ADORA2A: variants seen among roughly 807,000 people sequenced by gnomAD.
The protein encoded by ADORA2A is adenosine receptor A2a.
ADORA2A carries 11 observed loss-of-function variants against 18.4 expected under a neutral mutation model. The ratio of observed to expected loss-of-function variants is 0.60; its 90% CI spans 0.38 to 0.99. The LOEUF is 0.99. Ranked by LOEUF, ADORA2A falls within the 50% of genes least tolerant of loss-of-function variation. The pLI is 0.01. For synonymous variants in ADORA2A, 218 were observed against 237.3 expected, an observed-to-expected ratio of 0.92 and a Z score of 0.75; for missense variants, 449 against 556.1, an observed-to-expected ratio of 0.81 and a Z score of 1.94.
At chr22:24,426,089 A>C (rs910214543), upstream of ADORA2A, among the ~76,000 whole-genome samples, 1 of 152,124 alleles carries the variant, frequency 6.6e-6, no homozygotes, top group Admixed American at 6.5e-5. Flanking sequence ...GTGACTTGAG[A>C]GCATCACGTC....
chr22:24,439,052 G>A (rs2043255976), intron 2 of ADORA2A, among the ~76,000 whole-genome samples: 1 of 134,054 alleles, frequency 7.5e-6, no homozygotes, highest in Non-Finnish European at 1.6e-5. Context: ...GTTAAGTAGA[G>A]CACATCCTTC....
At chr22:24,437,282 C>T (rs1417032151) in intron 2 of ADORA2A, among the ~76,000 whole-genome samples, 1 of 152,232 alleles carries the variant, frequency 6.6e-6, no homozygotes, top group Non-Finnish European at 1.5e-5. Flanking sequence ...CATGCCTGGG[C>T]ACCCCAGAGT....
Position 24,441,003 on chromosome 22 carries a change from C to A in ADORA2A, c.753C>A (p.Ile251=). The A allele has an allele frequency of 6.2e-7, 1 of 1,614,220 alleles. No homozygotes were observed. The highest frequency in any genetic ancestry group is 8.5e-7 in the Non-Finnish European group (1 of 1,180,036). Reference sequence around the variant, plus strand: ...CCCTCTGCTGGCTGCCCCTACACATCATCAACTGCTTCACTTTCTTCTGCC... The same window carrying A: ...CCCTCTGCTGGCTGCCCCTACACATAATCAACTGCTTCACTTTCTTCTGCC... The part of the protein sequence containing the change: ...LFALCWLPLH[I]INCFTFFCPD... Residue 251 remains isoleucine, a synonymous_variant, in exon 3 of 3, where the codon ATC becomes ATA. Transcript: ENST00000337539.
At chr22:24,428,119 T>G (rs1217994100) in intron 1 of ADORA2A, among the ~76,000 whole-genome samples, 1 of 152,128 alleles carries the variant, frequency 6.6e-6, no homozygotes, top group East Asian at 1.9e-4. Flanking sequence ...TGCTTACCAC[T>G]GGGCAGTGAG....
In ADORA2A at chr22:24,441,052, T is replaced by C; in HGVS notation, c.802T>C (p.Trp268Arg). The change falls in exon 3 of 3, where the codon TGG becomes CGG. Residue 268 changes from tryptophan to arginine, a missense_variant. Physicochemically the swap from Trp to Arg is moderately radical, Grantham distance 101. Coordinates refer to ENST00000337539, the MANE Select transcript of ADORA2A (RefSeq NM_000675.6). ...FCPDCSHAPLWLMYLAIVLSH... is the reference protein window; with the variant it reads ...FCPDCSHAPLRLMYLAIVLSH... ...CCCCGACTGCAGCCACGCCCCTCTC[T>C]GGCTCATGTACCTGGCCATCGTCCT... 1 of 1,614,154 alleles carries C rather than the reference T, an allele frequency of 6.2e-7. No homozygotes were observed. Among genetic ancestry groups the C allele is most frequent in the Non-Finnish European group, 8.5e-7 (1 of 1,180,018 alleles).
At chr22:24,440,216 T>G (rs1338150917) in intron 2 of ADORA2A, among the ~76,000 whole-genome samples, 1 of 152,222 alleles carries the variant, frequency 6.6e-6, no homozygotes, top group African/African-American at 2.4e-5. Flanking sequence ...TGGTTAAGGC[T>G]ACGACACGTT....
Position 24,441,783 on chromosome 22 carries a change from G to A in ADORA2A, c.*294G>A, listed in dbSNP as rs2043350402. ...CCAGCCCTCCACTGCAGAAGCATCT[G>A]GAAGCACCACCTTGTCTCCACAGAG... On this transcript the variant is annotated 3_prime_UTR_variant, in exon 3 of 3. Coordinates refer to ENST00000337539, the MANE Select transcript of ADORA2A (RefSeq NM_000675.6). The A allele has an allele frequency of 3.4e-6, 1 of 292,552 alleles. No homozygotes were observed. Among genetic ancestry groups the A allele is most frequent in the Middle Eastern group, 1.0e-3 (1 of 986 alleles). The allele number at this position is 292,552 out of a possible 1,614,324, so 18.1% of individuals were successfully genotyped here. A position where few individuals can be genotyped will look rare whatever the true frequency, so the allele number is the denominator to read the frequency against.
upstream of ADORA2A, among the ~76,000 whole-genome samples, chr22:24,425,679 G>A (rs1428506892): frequency 6.6e-6 from 1 of 152,248 alleles, no homozygotes; most frequent in Non-Finnish European, 1.5e-5. Flanking sequence ...ATCAGTCTGT[G>A]AATTACAGAT....
In ADORA2A at chr22:24,440,254, C is replaced by T. The variant is rs2236625; in HGVS notation, c.333-329C>T. Reference sequence around the variant, plus strand: ...CCTTTAGAGAAAAATCATGTTTTCCCCCTCAAAAAATCATGCGTTAATTTC... The same window carrying T: ...CCTTTAGAGAAAAATCATGTTTTCCTCCTCAAAAAATCATGCGTTAATTTC... On this transcript the variant is annotated intron_variant, in intron 2 of 2. Transcript: ENST00000337539. Among the ~76,000 whole-genome samples the T allele has an allele frequency of 0.01, 1,575 of 152,226 alleles. 81 individuals are homozygous for T. In the South Asian group the frequency reaches 0.12, roughly 12 times the overall value.
upstream of ADORA2A, among the ~76,000 whole-genome samples, chr22:24,426,187 G>C (rs180754426): frequency 6.6e-6 from 1 of 152,210 alleles, no homozygotes; most frequent in Admixed American, 6.5e-5. Context: ...ACACTCCAAA[G>C]AAGGTCTTAG....
intron 1 of ADORA2A, among the ~76,000 whole-genome samples, chr22:24,428,017 G>T (rs931157710): frequency 2.0e-5 from 3 of 152,192 alleles, no homozygotes; most frequent in Non-Finnish European, 4.4e-5. Flanking sequence ...TGTATCTCTG[G>T]GTCCCGGGCC....
chr22:24,439,231 C>G (rs575721375), intron 2 of ADORA2A: 2 of 151,708 alleles, frequency 1.3e-5, no homozygotes, highest in African/African-American at 4.8e-5. Context: ...TACAGGCCCC[C>G]GCCACCACGG....
Position 24,440,676 on chromosome 22 carries a change from T to G in ADORA2A, c.426T>G (p.Gly142=). 6.2e-7 allele frequency: 1 copy of G among 1,613,002 alleles called. No homozygotes were observed. Among genetic ancestry groups the G allele is most frequent in the Non-Finnish European group, 8.5e-7 (1 of 1,179,154 alleles). The change falls in exon 3 of 3, where the codon GGT becomes GGG. Residue 142 remains glycine (G), a synonymous_variant. Transcript: ENST00000337539. The part of the protein sequence containing the change: ...SFAIGLTPML[G]WNNCGQPKEG... ...CCATCGGCCTGACTCCCATGCTAGG[T>G]TGGAACAACTGCGGTCAGCCAAAGG...
upstream of ADORA2A, among the ~76,000 whole-genome samples, chr22:24,425,690 C>G (rs1299188013): frequency 1.3e-5 from 2 of 152,226 alleles, no homozygotes; most frequent in Non-Finnish European, 2.9e-5. Context: ...AATTACAGAT[C>G]CCCAAATATG....
upstream of ADORA2A, among the ~76,000 whole-genome samples, chr22:24,427,273 C>T (rs2042928482): frequency 3.9e-5 from 6 of 152,138 alleles, no homozygotes; most frequent in Admixed American, 3.9e-4. Context: ...GGTCACCCTG[C>T]CCTCCTGTCA....
Position 24,441,377 on chromosome 22 carries a change from G to A in ADORA2A, c.1127G>A (p.Gly376Glu), listed in dbSNP as rs1315679650. The A allele has an allele frequency of 3.2e-6, 5 of 1,575,372 alleles. No individual in the cohort carries two copies. The highest frequency in any genetic ancestry group is 1.8e-5 in the Admixed American group (1 of 55,254). The change falls in exon 3 of 3, where the codon GGG (glycine) becomes GAG (glutamate). Residue 376 changes from glycine to glutamate, a missense_variant. Physicochemically the swap from Gly to Glu is moderately conservative, Grantham distance 98. Transcript: ENST00000337539. ...GGAGGGAGTGCCCAAGAGTCCCAGG[G>A]GAACACGGGCCTCCCAGACGTGGAG... ...VSGGSAQESQ[G>E]NTGLPDVELL...
upstream of ADORA2A, among the ~76,000 whole-genome samples, chr22:24,425,693 C>T (rs1355290690): frequency 6.6e-6 from 1 of 152,220 alleles, no homozygotes; most frequent in East Asian, 1.9e-4. Flanking sequence ...TACAGATCCC[C>T]AAATATGCCC....
At chr22:24,433,878 C>A in intron 2 of ADORA2A, 142 bp downstream of exon 2, 1 of 952,378 alleles carries the variant, frequency 1.0e-6, no homozygotes, top group Non-Finnish European at 1.5e-6. Flanking sequence ...CCAGGCTCAG[C>A]AGGGGCTCCC....
Position 24,441,093 on chromosome 22 carries a change from G to T in ADORA2A, c.843G>T (p.Ser281=). The T allele has an allele frequency of 6.2e-7, 1 of 1,614,106 alleles. No individual in the cohort carries two copies. Among genetic ancestry groups the T allele is most frequent in the African/African-American group, 1.3e-5 (1 of 75,044 alleles). Residue 281 remains serine, a synonymous_variant, in exon 3 of 3, where the codon TCG becomes TCT. Coordinates refer to ENST00000337539, the MANE Select transcript of ADORA2A (RefSeq NM_000675.6). ...CCATCGTCCTCTCCCACACCAATTC[G>T]GTTGTGAATCCCTTCATCTACGCCT... is the stretch of plus-strand genomic sequence containing the variant. The part of the protein sequence containing the change: ...YLAIVLSHTN[S]VVNPFIYAYR...
Sources: allele counts gnomAD v4.1 joint callset (sites outside exome capture counted in the v4.1 genomes callset), GRCh38; gene constraint gnomAD v4.1.1; transcripts MANE v1.5; gene names NCBI Gene and HGNC (gene_info 2026-07-23, HGNC 2026-07-21).